The following ARFGEF1 variants were observed in gnomAD, a reference collection of about 807,000 sequenced individuals.
The protein encoded by ARFGEF1 is ARF guanine nucleotide exchange factor 1.
In ARFGEF1, 42 loss-of-function variants were observed where a neutral mutation model predicts 231.0. The observed-to-expected ratio is 0.18, with a 90% CI of 0.14 to 0.24. The LOEUF (loss-of-function observed/expected upper bound fraction) is 0.24. ARFGEF1 is among the 10% of genes least tolerant of loss of function. The pLI, the probability that ARFGEF1 is intolerant of heterozygous loss-of-function variation, is 1.00. For missense variants in ARFGEF1, 1,345 were observed against 2,192.0 expected (o/e 0.61, Z 7.72); for synonymous variants, 710 against 732.3 (o/e 0.97, Z 0.49).
At chr8:67,311,498 G>T (rs1375815711) in intron 1 of ARFGEF1, among the ~76,000 whole-genome samples, 2 of 136,228 alleles carry the variant, frequency 1.5e-5, no homozygotes, top group Non-Finnish European at 3.2e-5. Context: ...CAGCCGCCCC[G>T]TCCGGGAGGG....
At chr8:67,324,292 C>G (rs772442886) in intron 1 of ARFGEF1, among the ~76,000 whole-genome samples, 1 of 152,132 alleles carries the variant, frequency 6.6e-6, no homozygotes, top group Non-Finnish European at 1.5e-5. Flanking sequence ...GACTCTGTCT[C>G]AAAGAAAACA....
chr8:67,338,405 GCAAA>G (rs1808446898), intron 1 of ARFGEF1, among the ~76,000 whole-genome samples: 1 of 152,170 alleles, frequency 6.6e-6, no homozygotes, highest in African/African-American at 2.4e-5. Context: ...AACTGAGTTA[GCAAA>G]CAATGAAAAA....
chr8:67,241,956 T>A (rs1288859560), intron 19 of ARFGEF1, among the ~76,000 whole-genome samples: 1 of 152,186 alleles, frequency 6.6e-6, no homozygotes, highest in Non-Finnish European at 1.5e-5. Context: ...AGTGCCATCC[T>A]GTCACAGTAG....
intron 1 of ARFGEF1, among the ~76,000 whole-genome samples, chr8:67,310,089 C>CCCCTCTCCCTCT (rs953592410): frequency 1.3e-5 from 2 of 152,000 alleles, no homozygotes; most frequent in African/African-American, 2.4e-5. Flanking sequence ...CAGAATCGCT[C>CCCCTCTCCCTCT]CCCTCTCCCT....
chr8:67,220,913 A>T (rs868134026), intron 29 of ARFGEF1, among the ~76,000 whole-genome samples: 13 of 113,168 alleles, frequency 1.1e-4, no homozygotes, highest in East Asian at 2.9e-4. Flanking sequence ...TTTTTTTTTT[A>T]AAGCCATACT....
At chr8:67,179,725 A>G in intron 5 of ARFGEF1, 1 of 600,058 alleles carries the variant, frequency 1.7e-6, no homozygotes, top group South Asian at 2.1e-5. Context: ...TGAGCATTGG[A>G]ATGTAGTCAG....
rs962009389 is a variant in ARFGEF1 at position 67,198,366 on chromosome 8, T to C, written c.*568A>G. 2 of 984,712 alleles carry C rather than the reference T, an allele frequency of 2.0e-6. No homozygotes were observed. The highest frequency in any genetic ancestry group is 3.5e-5 in the African/African-American group (2 of 57,210). The allele number at this position is 984,712 out of a possible 1,614,324, so 61.0% of individuals were successfully genotyped here. A position where few individuals can be genotyped will look rare whatever the true frequency, so the allele number is the denominator to read the frequency against. On this transcript the variant is annotated 3_prime_UTR_variant, in exon 39 of 39. Transcript: ENST00000262215. ...AAACAGTGCAGGAAGAACTATATAA[T>C]GTTTTAAGATTTTTATATTACAGAC...
At chr8:67,244,783 A>C (rs1255394364) in intron 19 of ARFGEF1, among the ~76,000 whole-genome samples, 1 of 150,518 alleles carries the variant, frequency 6.6e-6, no homozygotes, top group Non-Finnish European at 1.5e-5. Context: ...AAAGAGGCAG[A>C]GAAAGAGATA....
chr8:67,178,754 T>C (rs1832284395), intron 5 of ARFGEF1, among the ~76,000 whole-genome samples: 1 of 151,520 alleles, frequency 6.6e-6, no homozygotes, highest in African/African-American at 2.4e-5. Flanking sequence ...TAAGGAGCAG[T>C]GGGAGAGCCA....
At position 67,239,005 on chromosome 8, in the gene ARFGEF1, T is replaced by A. The variant is rs115491168; in HGVS notation, c.2980-112A>T. ...AGTAAGATTTTGTTTTTTTTTTTTT[T>A]AATTTATTTATTAATTTTTGAGACA... On this transcript the variant is annotated intron_variant, in intron 20 of 38. Coordinates refer to ENST00000262215, the MANE Select transcript of ARFGEF1 (RefSeq NM_006421.5). 6,604 of 843,626 alleles carry A rather than the reference T, an allele frequency of 7.8e-3. 304 individuals carry two copies. In the African/African-American group the frequency reaches 0.11, roughly 14 times the overall value. 52.3% of individuals were successfully genotyped at this position (843,626 alleles called of 1,614,324 possible).
intron 5 of ARFGEF1, among the ~76,000 whole-genome samples, chr8:67,176,732 A>G (rs1415511941): frequency 6.6e-6 from 1 of 151,966 alleles, no homozygotes; most frequent in Non-Finnish European, 1.5e-5. Flanking sequence ...CACAGCAGCC[A>G]CTCCCCAACT....
chr8:67,308,089 A>C (rs959999876), intron 1 of ARFGEF1, among the ~76,000 whole-genome samples: 1 of 152,120 alleles, frequency 6.6e-6, no homozygotes, highest in Non-Finnish European at 1.5e-5. Context: ...CCATCCAGGC[A>C]CCAGACATGT....
intron 10 of ARFGEF1, among the ~76,000 whole-genome samples, chr8:67,269,637 C>T (rs902097795): frequency 1.3e-5 from 2 of 152,076 alleles, no homozygotes; most frequent in Non-Finnish European, 2.9e-5. Flanking sequence ...AGGTGTGAGC[C>T]ACTGTGCCCG....
intron 5 of ARFGEF1, among the ~76,000 whole-genome samples, chr8:67,292,399 C>G (rs980262195): frequency 9.2e-5 from 14 of 152,074 alleles, no homozygotes; most frequent in African/African-American, 3.4e-4. Context: ...AACACACGCA[C>G]ACACATTCAC....
rs867034781 is a variant in ARFGEF1, at chr8:67,198,189, G to A, written c.*745C>T. 4.1e-6 allele frequency: 4 copies of A among 985,666 alleles called. No individual in the cohort carries two copies. The Middle Eastern group carries it at 2.1e-3, about 515-fold the overall frequency. The allele number at this position is 985,666 out of a possible 1,614,324, so 61.1% of individuals were successfully genotyped here. The stretch of plus-strand genomic sequence containing the variant: ...TATTGTTGAAGTGTCGGCCACAACA[G>A]CTTCTGGGCATGTTACAGCCTCAAA... On this transcript the variant is annotated 3_prime_UTR_variant, in exon 39 of 39. Coordinates refer to ENST00000262215, the MANE Select transcript of ARFGEF1 (RefSeq NM_006421.5).
chr8:67,244,735 T>C (rs1008719799), intron 19 of ARFGEF1, among the ~76,000 whole-genome samples: 3 of 149,702 alleles, frequency 2.0e-5, no homozygotes, highest in Non-Finnish European at 3.0e-5. Flanking sequence ...ATCTGGAAAA[T>C]AGTTTTAAAA....
intron 19 of ARFGEF1, among the ~76,000 whole-genome samples, chr8:67,243,785 G>A (rs62513133): frequency 3.3e-5 from 5 of 152,090 alleles, no homozygotes; most frequent in Non-Finnish European, 7.4e-5. Context: ...GACCAATCCT[G>A]GAGAAAGAGA....
At chr8:67,219,594 T>C in intron 29 of ARFGEF1, 34 bp from the exon 30 acceptor site, 11 of 1,557,508 alleles carry the variant, frequency 7.1e-6, no homozygotes, top group Non-Finnish European at 8.7e-6. Context: ...AAAGCTGTAA[T>C]ACAAAAAAGC....
chr8:67,267,301 TAATAATAAGAAAGA>T (rs1160875866), intron 11 of ARFGEF1, 28 bp downstream of exon 11: 6 of 1,586,480 alleles, frequency 3.8e-6, no homozygotes, highest in Non-Finnish European at 5.1e-6. Context: ...TTTAAATATC[TAATAATAAGAAAGA>T]GATAATAAAA....
Sources: allele counts gnomAD v4.1 joint callset (sites outside exome capture counted in the v4.1 genomes callset), GRCh38; gene constraint gnomAD v4.1.1; transcripts MANE v1.5; gene names NCBI Gene and HGNC (gene_info 2026-07-23, HGNC 2026-07-21).